Variants in POFUT3 observed in about 807,000 individuals in gnomAD.
POFUT3 encodes the protein protein O-fucosyltransferase 3, also known as GDP-fucose protein O-fucosyltransferase 3.
chr8:33,350,822 T>G, the POFUT3 span, among the ~76,000 whole-genome samples: 3,562 of 152,194 alleles, frequency 0.023, 126 homozygotes, highest in African/African-American at 0.082. Context: ...GAGTATTGAC[T>G]GCAAAGAGAA....
At chr8:33,404,598 A>G in the POFUT3 span, among the ~76,000 whole-genome samples, 9 of 152,192 alleles carry the variant, frequency 5.9e-5, no homozygotes, top group African/African-American at 1.9e-4. Flanking sequence ...TTTAATAAAT[A>G]AATGCCTTTA....
the POFUT3 span, among the ~76,000 whole-genome samples, chr8:33,381,284 A>C: frequency 1.3e-5 from 2 of 152,168 alleles, no homozygotes; most frequent in Non-Finnish European, 2.9e-5. Flanking sequence ...GAAATCACCA[A>C]ATTATCTTGT....
the POFUT3 span, among the ~76,000 whole-genome samples, chr8:33,326,983 G>A: frequency 2.6e-5 from 4 of 152,160 alleles, no homozygotes; most frequent in African/African-American, 7.2e-5. Context: ...TCACTATGTT[G>A]CCCATGCTGG....
At chr8:33,350,548 A>G in the POFUT3 span, among the ~76,000 whole-genome samples, 3 of 152,272 alleles carry the variant, frequency 2.0e-5, no homozygotes, top group South Asian at 2.1e-4. Flanking sequence ...GAAGTGGACT[A>G]TTGAGTGGGA....
chr8:33,443,286 T>C, the POFUT3 span, among the ~76,000 whole-genome samples: 7 of 152,192 alleles, frequency 4.6e-5, no homozygotes, highest in Admixed American at 1.3e-4. Flanking sequence ...TTTTCACTTA[T>C]ATCAAATTAA....
chr8:33,315,281 C>T, the POFUT3 span, among the ~76,000 whole-genome samples: 1 of 152,166 alleles, frequency 6.6e-6, no homozygotes, highest in African/African-American at 2.4e-5. Context: ...TAGGTCATTC[C>T]TTGCTGATAA....
At chr8:33,321,433 C>G in the POFUT3 span, among the ~76,000 whole-genome samples, 14 of 152,064 alleles carry the variant, frequency 9.2e-5, no homozygotes, top group Non-Finnish European at 1.2e-4. Context: ...CTCCTTCCTT[C>G]CCCATTTCTC....
chr8:33,329,493 ATTC>A, the POFUT3 span, among the ~76,000 whole-genome samples: 2 of 152,170 alleles, frequency 1.3e-5, no homozygotes, highest in Admixed American at 6.5e-5. Context: ...ACTTCTCTTT[ATTC>A]TTCTTATGAT....
the POFUT3 span, among the ~76,000 whole-genome samples, chr8:33,321,243 G>A: frequency 6.6e-6 from 1 of 152,078 alleles, no homozygotes; most frequent in East Asian, 1.9e-4. Flanking sequence ...TACATAAAAA[G>A]CCACTGAAAG....
the POFUT3 span, chr8:33,461,641 A>AG: frequency 6.6e-7 from 1 of 1,525,744 alleles, no homozygotes; most frequent in Non-Finnish European, 8.8e-7. Context: ...CTGGCTTGGC[A>AG]TCGAGAGGAA....
chr8:33,404,215 G>A, the POFUT3 span, among the ~76,000 whole-genome samples: 1 of 152,026 alleles, frequency 6.6e-6, no homozygotes, highest in African/African-American at 2.4e-5. Flanking sequence ...GTGCATGCCT[G>A]TAATCCCAGT....
the POFUT3 span, among the ~76,000 whole-genome samples, chr8:33,456,112 A>C: frequency 2.0e-5 from 3 of 152,170 alleles, no homozygotes; most frequent in South Asian, 6.2e-4. Flanking sequence ...CAGTAGTTTG[A>C]TCCATGGGAG....
chr8:33,318,025 A>C, the POFUT3 span, among the ~76,000 whole-genome samples: 1 of 152,132 alleles, frequency 6.6e-6, no homozygotes, highest in Non-Finnish European at 1.5e-5. Context: ...AATTTCAAAG[A>C]AATGCCTTTC....
At chr8:33,455,742 T>G in the POFUT3 span, 1 of 451,038 alleles carries the variant, frequency 2.2e-6, no homozygotes, top group Non-Finnish European at 4.4e-6. Flanking sequence ...AGCCCTCAGG[T>G]CCCGCTTTTA....
chr8:33,380,485 A>G, the POFUT3 span, among the ~76,000 whole-genome samples: 4 of 151,466 alleles, frequency 2.6e-5, no homozygotes, highest in African/African-American at 9.7e-5. Flanking sequence ...ATATGTAGAA[A>G]ACATGAGACA....
the POFUT3 span, among the ~76,000 whole-genome samples, chr8:33,429,574 T>C: frequency 6.6e-6 from 1 of 151,464 alleles, no homozygotes; most frequent in Non-Finnish European, 1.5e-5. Flanking sequence ...CATGAAGCAA[T>C]TGAGGGGGAG....
At chr8:33,347,244 T>C in the POFUT3 span, among the ~76,000 whole-genome samples, 1 of 152,222 alleles carries the variant, frequency 6.6e-6, no homozygotes, top group Non-Finnish European at 1.5e-5. Flanking sequence ...GAAGTGTTAA[T>C]GAAAAAAGCC....
the POFUT3 span, among the ~76,000 whole-genome samples, chr8:33,357,495 AAT>A: frequency 1.4e-4 from 21 of 147,754 alleles, no homozygotes; most frequent in Admixed American, 1.3e-4. Context: ...TCCTCTTGCA[AAT>A]ATATATATAT....
At chr8:33,378,471 G>T in the POFUT3 span, among the ~76,000 whole-genome samples, 13 of 152,070 alleles carry the variant, frequency 8.5e-5, no homozygotes, top group Admixed American at 7.9e-4. Flanking sequence ...CAGATACAAG[G>T]CAGAGCTTGG....
Sources: allele counts gnomAD v4.1 joint callset (sites outside exome capture counted in the v4.1 genomes callset), GRCh38; gene constraint gnomAD v4.1.1; transcripts MANE v1.5; gene names NCBI Gene and HGNC (gene_info 2026-07-23, HGNC 2026-07-21).